Variants in ELF2 observed in about 807,000 individuals in gnomAD.
ELF2 encodes the protein E74 like ETS transcription factor 2.
ELF2 carries 11 observed loss-of-function variants against 54.8 expected under a neutral mutation model. The observed-to-expected ratio is 0.20, with a 90% CI of 0.13 to 0.33. The LOEUF is 0.33. ELF2 is among the 10% of genes least tolerant of loss of function. The probability of loss-of-function intolerance (pLI) is 1.00; values close to 1 mark genes in which losing one functional copy is unlikely to be tolerated. For synonymous variants in ELF2, 203 were observed against 245.1 expected, an observed-to-expected ratio of 0.83 and a Z score of 1.61; for missense variants, 513 against 703.0, an observed-to-expected ratio of 0.73 and a Z score of 3.06.
At chr4:139,075,425 C>T (rs1269832005) in intron 4 of ELF2, among the ~76,000 whole-genome samples, 1 of 151,792 alleles carries the variant, frequency 6.6e-6, no homozygotes, top group Non-Finnish European at 1.5e-5. Flanking sequence ...AGCAGACATG[C>T]GGATTTTTAT....
chr4:139,079,818 G>A (rs953569737), intron 4 of ELF2, among the ~76,000 whole-genome samples: 1 of 152,136 alleles, frequency 6.6e-6, no homozygotes, highest in African/African-American at 2.4e-5. Flanking sequence ...AGGCTGAAGT[G>A]GGAGAATCAC....
In ELF2 at chr4:139,088,024, C is replaced by T. The variant is rs943459764; in HGVS notation, c.239-14457G>A. Among the ~76,000 whole-genome samples the T allele has an allele frequency of 5.3e-5, 8 of 152,240 alleles. No homozygotes were observed. The East Asian group carries it at 9.7e-4, about 18-fold the overall frequency. On this transcript the variant is annotated intron_variant, in intron 4 of 9. Transcript: ENST00000686138. ...ATTTTAGGCTGGTCACAGTGGCTCA[C>T]GCCTGTAATCCCAGCACTTTGGGGA...
chr4:139,087,336 A>T (rs1578755338), intron 4 of ELF2, among the ~76,000 whole-genome samples: 1 of 152,334 alleles, frequency 6.6e-6, no homozygotes, highest in East Asian at 1.9e-4. Flanking sequence ...GCTGGTCATC[A>T]ACTCCTTGCC....
At chr4:139,075,681 G>A (rs537696682) in intron 4 of ELF2, among the ~76,000 whole-genome samples, 51 of 152,180 alleles carry the variant, frequency 3.4e-4, no homozygotes, top group African/African-American at 9.6e-4. Flanking sequence ...CACCCGCCTC[G>A]GCCTCTCAAA....
intron 3 of ELF2, chr4:139,137,037 T>TA (rs140825231): frequency 0.092 from 14,064 of 152,316 alleles, 905 homozygotes; most frequent in African/African-American, 0.18. Flanking sequence ...CTACTACTGT[T>TA]ATTTTTTTAT....
At chr4:139,144,873 C>G (rs1047859116) in intron 1 of ELF2, among the ~76,000 whole-genome samples, 2 of 152,190 alleles carry the variant, frequency 1.3e-5, no homozygotes, top group Non-Finnish European at 2.9e-5. Context: ...CCTGCCTGAC[C>G]AAGCCCCCCA....
intron 4 of ELF2, among the ~76,000 whole-genome samples, chr4:139,091,065 C>T (rs1477691742): frequency 2.0e-5 from 3 of 152,122 alleles, no homozygotes; most frequent in Non-Finnish European, 4.4e-5. Flanking sequence ...TCCCAAGTAG[C>T]TGGGACTACA....
intron 4 of ELF2, among the ~76,000 whole-genome samples, chr4:139,077,865 T>TA (rs869155071): frequency 7.2e-6 from 1 of 139,806 alleles, no homozygotes; most frequent in Non-Finnish European, 1.6e-5. Context: ...GAAGGAAAAA[T>TA]AAATAACTCA....
chr4:139,123,169 C>T (rs1399241019), intron 4 of ELF2, among the ~76,000 whole-genome samples: 4 of 143,254 alleles, frequency 2.8e-5, no homozygotes, highest in Non-Finnish European at 6.0e-5. Flanking sequence ...GGCGACAGAG[C>T]GAGACTCTGT....
intron 4 of ELF2, among the ~76,000 whole-genome samples, chr4:139,074,759 C>CA (rs397957583): frequency 0.16 from 15,184 of 92,278 alleles, 1,405 homozygotes; most frequent in East Asian, 0.49. Context: ...GACACTGTCT[C>CA]AAAAAAAAAA....
At chr4:139,174,282 A>G (rs1403344174) in intron 1 of ELF2, among the ~76,000 whole-genome samples, 2 of 152,006 alleles carry the variant, frequency 1.3e-5, no homozygotes, top group African/African-American at 2.4e-5. Context: ...ATATTACAAC[A>G]TGGATATACT....
At chr4:139,151,072 G>GAAAGAAAGAAAGAAAGA (rs1739919314) in intron 1 of ELF2, among the ~76,000 whole-genome samples, 3 of 123,584 alleles carry the variant, frequency 2.4e-5, no homozygotes, top group African/African-American at 8.1e-5. Context: ...AAGAAAGAAA[G>GAAAGAAAGAAAGAAAGA]AAAGAAAGAA....
intron 4 of ELF2, among the ~76,000 whole-genome samples, chr4:139,085,546 T>C (rs544335359): frequency 6.6e-6 from 1 of 152,266 alleles, no homozygotes; most frequent in Non-Finnish European, 1.5e-5. Context: ...TCAGAATGGA[T>C]TTACATAGCC....
chr4:139,157,546 C>T (rs1740674451), intron 1 of ELF2, among the ~76,000 whole-genome samples: 2 of 152,154 alleles, frequency 1.3e-5, no homozygotes, highest in Admixed American at 6.5e-5. Context: ...GGACTATAGG[C>T]ACATGCCACC....
intron 1 of ELF2, among the ~76,000 whole-genome samples, chr4:139,166,009 T>C (rs1312372684): frequency 6.6e-6 from 1 of 152,222 alleles, no homozygotes; most frequent in Non-Finnish European, 1.5e-5. Context: ...TAACCATGGC[T>C]ATTCTAAATC....
At chr4:139,151,975 A>C (rs906155682) in intron 1 of ELF2, among the ~76,000 whole-genome samples, 1 of 152,230 alleles carries the variant, frequency 6.6e-6, no homozygotes, top group African/African-American at 2.4e-5. Flanking sequence ...ATCATATCTG[A>C]AACACCTAAC....
intron 3 of ELF2, among the ~76,000 whole-genome samples, chr4:139,134,603 ATTTTATTTT>A (rs911827421): frequency 2.1e-5 from 3 of 141,112 alleles, no homozygotes; most frequent in Admixed American, 1.4e-4. Context: ...ATTTTATTTT[ATTTTATTTT>A]ATTTTATTTA....
chr4:139,061,569 T>C (rs956636209), intron 8 of ELF2, among the ~76,000 whole-genome samples: 3 of 152,186 alleles, frequency 2.0e-5, no homozygotes, highest in Non-Finnish European at 2.9e-5. Context: ...TTAGGAACCA[T>C]AATTTGTTTA....
intron 1 of ELF2, among the ~76,000 whole-genome samples, chr4:139,174,742 T>C (rs546300312): frequency 6.6e-6 from 1 of 152,350 alleles, no homozygotes; most frequent in Admixed American, 6.5e-5. Flanking sequence ...ATTTAAAGCA[T>C]ACAAGAGAAT....
Sources: allele counts gnomAD v4.1 joint callset (sites outside exome capture counted in the v4.1 genomes callset), GRCh38; gene constraint gnomAD v4.1.1; transcripts MANE v1.5; gene names NCBI Gene and HGNC (gene_info 2026-07-23, HGNC 2026-07-21).